Variants in PLA2G2F observed in about 807,000 individuals in gnomAD.
PLA2G2F encodes phospholipase A2 group IIF.
In PLA2G2F, 17 loss-of-function variants were observed where a neutral mutation model predicts 15.9. The observed-to-expected ratio is 1.07, with a 90% confidence interval of 0.73 to 1.60. The LOEUF is 1.60. PLA2G2F is among the 40% of genes most tolerant of loss of function. The pLI is 0.00. For synonymous variants in PLA2G2F, 119 were observed against 106.5 expected (o/e 1.12, Z -0.72); for missense variants, 299 against 278.2 (o/e 1.07, Z -0.53).
chr1:20,143,509 G>T lies in PLA2G2F; in HGVS notation c.233G>T (p.Arg78Met). Residue 78 changes from arginine (R) to methionine (M), a missense_variant, in exon 3 of 5, where the codon AGG becomes ATG. Transcript: ENST00000375102. Reference protein sequence around the residue: ...LKAMVEAVTGRSAILSFVGYG... With the variant: ...LKAMVEAVTGMSAILSFVGYG... ...GCCATGGTGGAGGCCGTCACAGGGA[G>T]GAGCGCCATCCTGTCCTTCGTGGGC... The T allele has an allele frequency of 6.2e-7, 1 of 1,614,082 alleles. No individual in the cohort carries two copies. The highest frequency in any genetic ancestry group is 8.5e-7 in the Non-Finnish European group (1 of 1,179,964).
chr1:20,148,216 A>T lies in PLA2G2F; in HGVS notation c.451A>T (p.Lys151Ter), dbSNP rs1339516924. ...CSDLNKTECDKQTCMCDKNMV... is the reference protein window; with the variant it reads ...CSDLNKTECD The stretch of plus-strand genomic sequence containing the variant: ...TGACCTCAACAAGACAGAGTGTGAC[A>T]AGCAGACATGCATGTGTGACAAGAA... Residue 151 changes from lysine to a stop codon, truncating the protein, a stop_gained, in exon 5 of 5, where the codon AAG (lysine) becomes TAG (stop). Transcript: ENST00000375102. LOFTEE classifies it low-confidence loss of function (END_TRUNC). 1.2e-6 allele frequency: 2 copies of T among 1,614,008 alleles called. No homozygotes were observed. The highest frequency in any genetic ancestry group is 1.7e-6 in the Non-Finnish European group (2 of 1,179,984).
Position 20,148,359 on chromosome 1 carries a change from CACCT to C in PLA2G2F, c.595_598del (p.Thr199AlafsTer18), listed in dbSNP as rs2017656209. 6.2e-7 allele frequency: 1 copy of C among 1,613,994 alleles called. No homozygotes were observed. The highest frequency in any genetic ancestry group is 2.2e-5 in the East Asian group (1 of 44,876). ...TCTATGAACCGCCCCCTGAGGAGGT[CACCT>C]GCAGTCACCAATCCCCAGCGCCCCC... is the stretch of plus-strand genomic sequence containing the variant. On this transcript the variant is annotated frameshift_variant, in exon 5 of 5. Coordinates refer to ENST00000375102, the MANE Select transcript of PLA2G2F (RefSeq NM_022819.4). LOFTEE classifies it low-confidence loss of function (END_TRUNC).
rs1193656330 is a variant in PLA2G2F at position 20,143,458 on chromosome 1, C to T, written c.182C>T (p.Ala61Val). 7 of 1,613,848 alleles carry T rather than the reference C, an allele frequency of 4.3e-6. No homozygotes were observed. Among genetic ancestry groups the T allele is most frequent in the Admixed American group, 1.7e-5 (1 of 59,996 alleles). The change falls in exon 3 of 5, where the codon GCT becomes GTT. Residue 61 changes from alanine to valine, a missense_variant. Ala to Val is a moderately conservative substitution (Grantham distance 64). Coordinates refer to ENST00000375102, the MANE Select transcript of PLA2G2F (RefSeq NM_022819.4). ...GGTTCTCTTGCAGTTCTGTCCACAGCTCACGGCAGCCTGCTCAACCTGAAG... is the reference window on the plus strand; with the variant it reads ...GGTTCTCTTGCAGTTCTGTCCACAGTTCACGGCAGCCTGCTCAACCTGAAG... Reference protein sequence around the residue: ...AILAGSVLSTAHGSLLNLKAM... With the variant: ...AILAGSVLSTVHGSLLNLKAM...
intron 2 of PLA2G2F, chr1:20,141,232 CCT>C (rs1484472570): frequency 6.6e-6 from 1 of 152,248 alleles, no homozygotes; most frequent in African/African-American, 2.4e-5. Context: ...GGGCCAGGCC[CCT>C]GATTCTCCCC....
rs2017663151 is a variant in PLA2G2F, at chr1:20,148,543, C to T, written c.*142C>T. The T allele has an allele frequency of 4.5e-6, 3 of 665,448 alleles. No homozygotes were observed. The highest frequency in any genetic ancestry group is 5.1e-6 in the Non-Finnish European group (2 of 393,120). The allele number at this position is 665,448 out of a possible 1,614,324, so 41.2% of individuals were successfully genotyped here. The stretch of plus-strand genomic sequence containing the variant: ...GGAGCTCTCCAGTGAGGGCTCAGCT[C>T]TCAGAGGACTCAGGAAGGCCTGGGT... On this transcript the variant is annotated 3_prime_UTR_variant, in exon 5 of 5. Coordinates refer to ENST00000375102, the MANE Select transcript of PLA2G2F (RefSeq NM_022819.4).
At chr1:20,142,193 C>T (rs1254780897) in intron 2 of PLA2G2F, 4 of 152,594 alleles carry the variant, frequency 2.6e-5, no homozygotes, top group East Asian at 3.9e-4. Flanking sequence ...TGAGCTAGGC[C>T]CCTCACGCTG....
rs2017432613 is a variant in PLA2G2F, at chr1:20,140,279, C to A, written c.169+61C>A. ...CCACTCCCAGCTTGTCTCCCGTGAC[C>A]TTGGGCGCCTGAGTTATGGTTCCAC... On this transcript the variant is annotated intron_variant, in intron 2 of 4. Coordinates refer to ENST00000375102, the MANE Select transcript of PLA2G2F (RefSeq NM_022819.4). The A allele has an allele frequency of 1.9e-6, 3 of 1,573,644 alleles. No homozygotes were observed. In the Admixed American group the frequency reaches 5.1e-5, roughly 27 times the overall value.
rs747196063 is a variant in PLA2G2F at position 20,143,560 on chromosome 1, G to A, written c.284G>A (p.Gly95Asp). 4.3e-6 allele frequency: 7 copies of A among 1,614,028 alleles called. No individual in the cohort carries two copies. The highest frequency in any genetic ancestry group is 1.7e-5 in the Admixed American group (1 of 60,020). Residue 95 changes from glycine (G) to aspartate (D), a missense_variant, in exon 3 of 5, where the codon GGC (glycine) becomes GAC (aspartate). Gly to Asp is a moderately conservative substitution (Grantham distance 94, BLOSUM62 -1). Transcript: ENST00000375102. ...TACGGTTGCTACTGTGGGCTGGGGGGCCGTGGCCAGCCCAAGGATGAGGTG... is the reference window on the plus strand; with the variant it reads ...TACGGTTGCTACTGTGGGCTGGGGGACCGTGGCCAGCCCAAGGATGAGGTG... ...VGYGCYCGLG[G>D]RGQPKDEVDW... is the part of the protein sequence containing the mutation.
At chr1:20,143,692 C>T in intron 3 of PLA2G2F, 102 bp downstream of exon 3, 2 of 1,400,984 alleles carry the variant, frequency 1.4e-6, no homozygotes, top group Non-Finnish European at 9.7e-7. Context: ...ACCTTCTTTC[C>T]CCAAAGGATC....
chr1:20,143,251 G>A, intron 2 of PLA2G2F, 195 bp from the exon 3 acceptor site: 1 of 629,746 alleles, frequency 1.6e-6, no homozygotes, highest in Non-Finnish European at 2.7e-6. Context: ...CACCATACAT[G>A]GTACCTTGCA....
chr1:20,139,459 G>A lies in PLA2G2F; in HGVS notation c.32G>A (p.Gly11Glu). The A allele has an allele frequency of 2.5e-6, 4 of 1,574,762 alleles. No individual in the cohort carries two copies. The highest frequency in any genetic ancestry group is 3.5e-6 in the Non-Finnish European group (4 of 1,158,780). Reference sequence around the variant, plus strand: ...GATGGGGCAAAGGCCAACCCCAAAGGGTTCAAAAAGAAGGTGCTGGATAGA... The same window carrying A: ...GATGGGGCAAAGGCCAACCCCAAAGAGTTCAAAAAGAAGGTGCTGGATAGA... MADGAKANPK[G>E]FKKKVLDRCF... is the part of the protein sequence containing the mutation. The change falls in exon 1 of 5, where the codon GGG (glycine) becomes GAG (glutamate). Residue 11 changes from glycine to glutamate, a missense_variant. Physicochemically the swap from Gly to Glu is moderately conservative, Grantham distance 98. Transcript: ENST00000375102.
chr1:20,143,004 G>A (rs1180604853), intron 2 of PLA2G2F: 1 of 154,238 alleles, frequency 6.5e-6, no homozygotes, highest in Non-Finnish European at 1.4e-5. Context: ...TCACTGCCTG[G>A]GTCCAAATTC....
rs185254985 is a variant in PLA2G2F at position 20,147,869 on chromosome 1, G to A, written c.425-321G>A. 4.1e-3 allele frequency among the ~76,000 whole-genome samples: 617 copies of A among 152,264 alleles called. 4 individuals are homozygous for A. Among genetic ancestry groups the A allele is most frequent in the Non-Finnish European group, 6.4e-3 (436 of 67,992 alleles). ...TGCTTTAGTTCTGTGGGTGACTTAG[G>A]TAAACCCATCCCCCTTTCTGGGGCT... On this transcript the variant is annotated intron_variant, in intron 4 of 4. Coordinates refer to ENST00000375102, the MANE Select transcript of PLA2G2F (RefSeq NM_022819.4).
Position 20,148,700 on chromosome 1 carries a change from C to A in PLA2G2F, c.*299C>A. On this transcript the variant is annotated 3_prime_UTR_variant, in exon 5 of 5. Coordinates refer to ENST00000375102, the MANE Select transcript of PLA2G2F (RefSeq NM_022819.4). ...AGACCTGAGAGAGAGGAGGAGGGGC[C>A]TCTGAGTGGGGCCTCTGTTGCTGGC... The A allele has an allele frequency of 2.3e-6, 1 of 425,920 alleles. No homozygotes were observed. The highest frequency in any genetic ancestry group is 4.2e-5 in the East Asian group (1 of 24,086). The allele number at this position is 425,920 out of a possible 1,614,324, so 26.4% of individuals were successfully genotyped here.
chr1:20,143,420 C>T (rs1212945289), intron 2 of PLA2G2F, 26 bp from the exon 3 acceptor site: 4 of 1,608,268 alleles, frequency 2.5e-6, no homozygotes, highest in East Asian at 2.2e-5. Context: ...GGCAGGGGCT[C>T]AGAGCACCCC....
Position 20,148,645 on chromosome 1 carries a change from T to G in PLA2G2F, c.*244T>G. On this transcript the variant is annotated 3_prime_UTR_variant, in exon 5 of 5. Transcript: ENST00000375102. ...TGGACTGGGTGGGAGGCACGGAGCT[T>G]ATAGGGGTCTCTCCTGAGGGTGGCC... is the stretch of plus-strand genomic sequence containing the variant. The G allele has an allele frequency of 1.8e-6, 1 of 568,940 alleles. No individual in the cohort carries two copies. Among genetic ancestry groups the G allele is most frequent in the East Asian group, 3.0e-5 (1 of 33,812 alleles). 35.2% of individuals were successfully genotyped at this position (568,940 alleles called of 1,614,324 possible).
chr1:20,144,658 C>T lies in PLA2G2F; in HGVS notation c.393C>T (p.His131=), dbSNP rs142025956. The change falls in exon 4 of 5, where the codon CAC becomes CAT. Residue 131 remains histidine (H), a synonymous_variant. Coordinates refer to ENST00000375102, the MANE Select transcript of PLA2G2F (RefSeq NM_022819.4). The stretch of plus-strand genomic sequence containing the variant: ...ACCCCTATGTGGACCACTATGATCA[C>T]ACCATCGAGAACAACACTGAGATAG... ...GCHPYVDHYD[H]TIENNTEIVC... 42 of 1,610,630 alleles carry T rather than the reference C, an allele frequency of 2.6e-5. No homozygotes were observed. In the African/African-American group the frequency reaches 4.7e-4, roughly 18 times the overall value.
intron 4 of PLA2G2F, among the ~76,000 whole-genome samples, chr1:20,147,883 C>T (rs898747922): frequency 1.3e-5 from 2 of 152,320 alleles, no homozygotes; most frequent in South Asian, 2.1e-4. Context: ...ACCCATCCCC[C>T]TTTCTGGGGC....
At position 20,144,549 on chromosome 1, in the gene PLA2G2F, T is replaced by C. The variant is rs753559663; in HGVS notation, c.315-31T>C. On this transcript the variant is annotated intron_variant, in intron 3 of 4. Transcript: ENST00000375102. ...GGTGGGAGATGGGCCGGCCCAGCCATGCCTGTCCACTCACCTCTGCCGCTC... is the reference window on the plus strand; with the variant it reads ...GGTGGGAGATGGGCCGGCCCAGCCACGCCTGTCCACTCACCTCTGCCGCTC... The C allele has an allele frequency of 5.9e-6, 9 of 1,531,712 alleles. No individual in the cohort carries two copies. In the African/African-American group the frequency reaches 6.8e-5, roughly 12 times the overall value. 94.9% of individuals were successfully genotyped at this position (1,531,712 alleles called of 1,614,324 possible). A position where few individuals can be genotyped will look rare whatever the true frequency, so the allele number is the denominator to read the frequency against.
Sources: allele counts gnomAD v4.1 joint callset (sites outside exome capture counted in the v4.1 genomes callset), GRCh38; gene constraint gnomAD v4.1.1; transcripts MANE v1.5; gene names NCBI Gene and HGNC (gene_info 2026-07-23, HGNC 2026-07-21).